Variants in MME observed in about 807,000 individuals in gnomAD.
MME encodes membrane metalloendopeptidase, also known as neprilysin.
MME carries 98 observed loss-of-function variants against 113.2 expected under a neutral mutation model. The ratio of observed to expected loss-of-function variants is 0.87; its 90% CI spans 0.74 to 1.02. MME has a LOEUF of 1.02. Among genes scored for constraint, MME ranks in the 50% least tolerant of loss-of-function variants. The pLI is 0.00. For synonymous variants in MME, 292 were observed against 300.6 expected (o/e 0.97, Z 0.30); for missense variants, 836 against 896.0 (o/e 0.93, Z 0.86).
At chr3:155,180,036 G>T (rs1341739533) in intron 22 of MME, among the ~76,000 whole-genome samples, 1 of 152,086 alleles carries the variant, frequency 6.6e-6, no homozygotes, top group African/African-American at 2.4e-5. Context: ...CACATATAAT[G>T]CTTATAAATT....
At chr3:155,177,970 C>T (rs552570836) in intron 22 of MME, among the ~76,000 whole-genome samples, 2 of 152,254 alleles carry the variant, frequency 1.3e-5, no homozygotes, top group South Asian at 4.1e-4. Context: ...TGCTCATGAG[C>T]TCCAGAGCCT....
At chr3:155,026,135 C>T (rs7652075) in intron 1 of MME, among the ~76,000 whole-genome samples, 2,807 of 151,994 alleles carry the variant, frequency 0.018, 91 homozygotes, top group African/African-American at 0.065. Context: ...CCATGCATTT[C>T]CCTTGGGAAA....
intron 1 of MME, among the ~76,000 whole-genome samples, chr3:155,041,155 C>T (rs1027570665): frequency 6.6e-6 from 1 of 152,086 alleles, no homozygotes; most frequent in Non-Finnish European, 1.5e-5. Flanking sequence ...CCCTCATATC[C>T]CTACTGAACC....
At chr3:155,068,746 A>G (rs2108142585) in intron 1 of MME, among the ~76,000 whole-genome samples, 1 of 152,358 alleles carries the variant, frequency 6.6e-6, no homozygotes, top group East Asian at 1.9e-4. Context: ...CTGAGTTTCT[A>G]TTTAATCGAC....
At chr3:155,141,912 C>T in intron 10 of MME, 79 bp from the exon 11 acceptor site, 1 of 1,491,778 alleles carries the variant, frequency 6.7e-7, no homozygotes, top group South Asian at 1.1e-5. Flanking sequence ...ACTGATCCAA[C>T]CCTCTAACTA....
intron 16 of MME, among the ~76,000 whole-genome samples, chr3:155,157,364 T>TA (rs1251202375): frequency 6.6e-6 from 1 of 152,090 alleles, no homozygotes; most frequent in African/African-American, 2.4e-5. Context: ...TGGAGGCTGT[T>TA]AGTGTTTGGC....
intron 1 of MME, among the ~76,000 whole-genome samples, chr3:155,068,774 A>G (rs1310961775): frequency 1.3e-5 from 2 of 152,232 alleles, no homozygotes; most frequent in African/African-American, 4.8e-5. Flanking sequence ...TAATGTGAAC[A>G]ATGAATTGAG....
In MME at chr3:155,115,169, G is replaced by T; in HGVS notation, c.358+14G>T. On this transcript the variant is annotated intron_variant, in intron 4 of 22. Coordinates refer to ENST00000360490, the MANE Select transcript of MME (RefSeq NM_007289.4). ...TCGTTTTGAAAGGTTAGTAGAGATT[G>T]TGTCTGTGCATCAAAGATTTCTCTC... 6.2e-7 allele frequency: 1 copy of T among 1,613,518 alleles called. No individual in the cohort carries two copies. The highest frequency in any genetic ancestry group is 8.5e-7 in the Non-Finnish European group (1 of 1,179,694).
chr3:155,103,272 A>G (rs1717415251), intron 3 of MME, among the ~76,000 whole-genome samples: 1 of 152,206 alleles, frequency 6.6e-6, no homozygotes, highest in South Asian at 2.1e-4. Flanking sequence ...CAGGTTCCTT[A>G]CCTTGAAGTC....
At chr3:155,042,956 A>ATATC (rs1291565134) in intron 1 of MME, among the ~76,000 whole-genome samples, 1 of 129,672 alleles carries the variant, frequency 7.7e-6, no homozygotes, top group Non-Finnish European at 1.6e-5. Context: ...ATATATATAT[A>ATATC]TATCACATTT....
At chr3:155,170,036 G>T (rs115710982) in intron 20 of MME, among the ~76,000 whole-genome samples, 192 of 152,178 alleles carry the variant, frequency 1.3e-3, no homozygotes, top group African/African-American at 4.5e-3. Flanking sequence ...TTCGATGCCA[G>T]ACATTATGCA....
chr3:155,177,348 A>G (rs1227546471), intron 22 of MME, among the ~76,000 whole-genome samples: 1 of 152,228 alleles, frequency 6.6e-6, no homozygotes, highest in Non-Finnish European at 1.5e-5. Flanking sequence ...GTCTTTAGCC[A>G]GTAGCTAGGC....
At chr3:155,106,293 G>A (rs1717678056) in intron 3 of MME, among the ~76,000 whole-genome samples, 1 of 152,164 alleles carries the variant, frequency 6.6e-6, no homozygotes, top group Non-Finnish European at 1.5e-5. Context: ...TGGTTGACAG[G>A]GAGTGTTTGA....
intron 1 of MME, among the ~76,000 whole-genome samples, chr3:155,061,566 G>C (rs999334084): frequency 6.6e-6 from 1 of 150,630 alleles, no homozygotes; most frequent in Non-Finnish European, 1.5e-5. Context: ...ACCTGTATTT[G>C]TTATTGATGT....
chr3:155,085,669 C>G (rs1048109871), intron 3 of MME: 5 of 152,602 alleles, frequency 3.3e-5, no homozygotes, highest in African/African-American at 1.2e-4. Context: ...GTAGCTGGGA[C>G]TACAGGTACC....
chr3:155,063,676 T>TATTAG (rs1473556176), intron 1 of MME, among the ~76,000 whole-genome samples: 1 of 123,372 alleles, frequency 8.1e-6, no homozygotes, highest in South Asian at 2.3e-4. Context: ...TTATATATTA[T>TATTAG]ATTATATTAT....
intron 1 of MME, among the ~76,000 whole-genome samples, chr3:155,072,105 G>A (rs1251956010): frequency 2.1e-5 from 3 of 146,102 alleles, no homozygotes; most frequent in Admixed American, 7.1e-5. Flanking sequence ...AGCTTGCAGT[G>A]AGCCGAGATT....
intron 3 of MME, among the ~76,000 whole-genome samples, chr3:155,086,001 T>C (rs1715689048): frequency 6.6e-6 from 1 of 152,182 alleles, no homozygotes; most frequent in African/African-American, 2.4e-5. Context: ...AGCCTTGATA[T>C]TGTAATACAG....
intron 1 of MME, among the ~76,000 whole-genome samples, chr3:155,054,674 G>C (rs1713868299): frequency 6.6e-6 from 1 of 152,084 alleles, no homozygotes; most frequent in African/African-American, 2.4e-5. Flanking sequence ...GAAATTAGTT[G>C]GGCATAGTGG....
Sources: allele counts gnomAD v4.1 joint callset (sites outside exome capture counted in the v4.1 genomes callset), GRCh38; gene constraint gnomAD v4.1.1; transcripts MANE v1.5; gene names NCBI Gene and HGNC (gene_info 2026-07-23, HGNC 2026-07-21).